Variants in LYPLAL1 observed in about 807,000 individuals in gnomAD.
LYPLAL1 encodes lysophospholipase-like protein 1.
LYPLAL1 carries 23 observed loss-of-function variants against 19.7 expected under a neutral mutation model. That is an observed-to-expected ratio of 1.17 (90% CI 0.84 to 1.65). LYPLAL1 has a LOEUF of 1.65. Among genes scored for constraint, LYPLAL1 ranks in the 40% most tolerant of loss-of-function variants. The pLI is 0.00. For synonymous variants in LYPLAL1, 119 were observed against 96.3 expected (o/e 1.24, Z -1.38); for missense variants, 355 against 279.4 (o/e 1.27, Z -1.93).
chr1:219,421,875 CG>C, the LYPLAL1 span, among the ~76,000 whole-genome samples: 1 of 152,094 alleles, frequency 6.6e-6, no homozygotes, highest in African/African-American at 2.4e-5. Context: ...ATTACTTTAA[CG>C]TTTTTTAGGT....
the LYPLAL1 span, among the ~76,000 whole-genome samples, chr1:219,436,716 C>T: frequency 6.6e-6 from 1 of 152,096 alleles, no homozygotes; most frequent in Non-Finnish European, 1.5e-5. Context: ...CTCAAGTGGG[C>T]AGTGAATTTT....
At chr1:219,276,701 A>G in the LYPLAL1 span, among the ~76,000 whole-genome samples, 1 of 152,210 alleles carries the variant, frequency 6.6e-6, no homozygotes, top group East Asian at 1.9e-4. Context: ...ATCATGTTGC[A>G]TACTGGATGG....
the LYPLAL1 span, among the ~76,000 whole-genome samples, chr1:219,297,590 G>T: frequency 6.6e-6 from 1 of 152,188 alleles, no homozygotes; most frequent in East Asian, 1.9e-4. Flanking sequence ...CTGAATGTCT[G>T]ATTTAGTCAT....
chr1:219,367,786 T>A, the LYPLAL1 span, among the ~76,000 whole-genome samples: 1 of 152,180 alleles, frequency 6.6e-6, no homozygotes, highest in East Asian at 1.9e-4. Flanking sequence ...CCTGAGGTAA[T>A]GTTTAAAGTA....
chr1:219,176,262 T>C (rs1275629785), intron 1 of LYPLAL1, among the ~76,000 whole-genome samples: 1 of 152,214 alleles, frequency 6.6e-6, no homozygotes. Flanking sequence ...TAATTCACTC[T>C]TATTTGCTCC....
At chr1:219,209,371 G>A (rs973325811) in intron 3 of LYPLAL1, among the ~76,000 whole-genome samples, 3 of 151,736 alleles carry the variant, frequency 2.0e-5, no homozygotes, top group Admixed American at 1.3e-4. Context: ...AAATATCAAG[G>A]GATAGTAGAA....
chr1:219,320,810 T>C, the LYPLAL1 span, among the ~76,000 whole-genome samples: 1 of 152,244 alleles, frequency 6.6e-6, no homozygotes, highest in Admixed American at 6.5e-5. Flanking sequence ...ATTGTGTATA[T>C]GTGCCACATT....
chr1:219,179,083 A>G, intron 1 of LYPLAL1, 64 bp from the exon 2 acceptor site: 1 of 1,130,692 alleles, frequency 8.8e-7, no homozygotes. Flanking sequence ...AAAGTTTTAG[A>G]CTGCTTTGAA....
At chr1:219,223,888 T>C in the LYPLAL1 span, among the ~76,000 whole-genome samples, 2 of 152,290 alleles carry the variant, frequency 1.3e-5, no homozygotes, top group South Asian at 4.1e-4. Flanking sequence ...TTTCTTTTGC[T>C]GTTTCACTTT....
chr1:219,380,320 G>A, the LYPLAL1 span, among the ~76,000 whole-genome samples: 2 of 152,216 alleles, frequency 1.3e-5, no homozygotes, highest in African/African-American at 4.8e-5. Flanking sequence ...TAAAAGGAGA[G>A]AGGGAAGGAA....
intron 1 of LYPLAL1, among the ~76,000 whole-genome samples, chr1:219,176,702 TC>T (rs1358045537): frequency 3.3e-5 from 5 of 152,214 alleles, no homozygotes; most frequent in African/African-American, 1.2e-4. Context: ...CACAGAAGTC[TC>T]CTAGAGATAC....
chr1:219,231,502 T>G, the LYPLAL1 span, among the ~76,000 whole-genome samples: 1 of 152,186 alleles, frequency 6.6e-6, no homozygotes, highest in Non-Finnish European at 1.5e-5. Context: ...GTATATAATA[T>G]ACATATATTG....
chr1:219,210,217 A>G (rs1658898594), intron 3 of LYPLAL1: 1 of 166,938 alleles, frequency 6.0e-6, no homozygotes, highest in African/African-American at 2.4e-5. Context: ...ATAAGTAAAT[A>G]TTGAGAATTT....
chr1:219,231,156 CT>C, the LYPLAL1 span, among the ~76,000 whole-genome samples: 1 of 152,184 alleles, frequency 6.6e-6, no homozygotes, highest in Admixed American at 6.5e-5. Context: ...AGTAAATCAT[CT>C]TTAAGACCCC....
At chr1:219,357,372 A>C in the LYPLAL1 span, among the ~76,000 whole-genome samples, 2 of 152,250 alleles carry the variant, frequency 1.3e-5, no homozygotes, top group Non-Finnish European at 2.9e-5. Context: ...ACATGAAATC[A>C]ACAGTAAGAA....
Position 219,202,430 on chromosome 1 carries a change from C to T in LYPLAL1, c.362-8102C>T, listed in dbSNP as rs142503537. 7.6e-3 allele frequency among the ~76,000 whole-genome samples: 1,154 copies of T among 152,286 alleles called. 4 individuals carry two copies. The highest frequency in any genetic ancestry group is 0.023 in the South Asian group (110 of 4,828). On this transcript the variant is annotated intron_variant, in intron 3 of 4. Transcript: ENST00000366928. ...TACTTTTTCCTCAGTGGTATATGAG[C>T]TCTGCTTCCCTCTTTCTTTTTCATT...
At chr1:219,310,747 C>T in the LYPLAL1 span, among the ~76,000 whole-genome samples, 1 of 152,196 alleles carries the variant, frequency 6.6e-6, no homozygotes, top group Admixed American at 6.5e-5. Context: ...TCCCTTACCC[C>T]TATGGGAAAA....
the LYPLAL1 span, among the ~76,000 whole-genome samples, chr1:219,418,263 C>T: frequency 9.9e-5 from 15 of 152,140 alleles, no homozygotes; most frequent in Non-Finnish European, 1.8e-4. Context: ...ACTGAGAGGA[C>T]GGACCCTAGG....
the LYPLAL1 span, among the ~76,000 whole-genome samples, chr1:219,305,079 G>C: frequency 6.6e-6 from 1 of 152,200 alleles, no homozygotes; most frequent in Non-Finnish European, 1.5e-5. Context: ...ACTAGGCTAA[G>C]TTGTGCCATG....
Sources: allele counts gnomAD v4.1 joint callset (sites outside exome capture counted in the v4.1 genomes callset), GRCh38; gene constraint gnomAD v4.1.1; transcripts MANE v1.5; gene names NCBI Gene and HGNC (gene_info 2026-07-23, HGNC 2026-07-21).